The following TRPC5OS variants were observed in gnomAD, a reference collection of about 807,000 sequenced individuals.
TRPC5OS encodes the protein putative uncharacterized protein TRPC5OS.
For missense variants in TRPC5OS, 64 were observed against 79.3 expected (o/e 0.81, Z 0.73); for synonymous variants, 30 against 29.3 (o/e 1.02, Z -0.08).
intron 1 of TRPC5OS, among the ~76,000 whole-genome samples, chrX:111,883,597 A>C (rs1924333800): frequency 8.9e-6 from 1 of 112,651 alleles, no homozygotes; most frequent in African/African-American, 3.2e-5. Flanking sequence ...AGCCTGTCCG[A>C]ATTTTGATAA....
intron 3 of TRPC5OS, among the ~76,000 whole-genome samples, chrX:111,897,034 T>C (rs1447569207): frequency 8.9e-6 from 1 of 112,289 alleles, no homozygotes; most frequent in African/African-American, 3.2e-5. Flanking sequence ...ACAAACTTTG[T>C]TTAGTGCACA....
At chrX:111,883,598 A>G (rs191735484) in intron 1 of TRPC5OS, among the ~76,000 whole-genome samples, 8 of 112,001 alleles carry the variant, frequency 7.1e-5, no homozygotes, top group South Asian at 3.7e-4. Flanking sequence ...GCCTGTCCGA[A>G]TTTTGATAAA....
chrX:111,889,036 A>G (rs1267492150), intron 1 of TRPC5OS, among the ~76,000 whole-genome samples: 1 of 112,280 alleles, frequency 8.9e-6, no homozygotes, highest in Non-Finnish European at 1.9e-5. Flanking sequence ...ACAGGAATCA[A>G]TGTAATGAAA....
intron 1 of TRPC5OS, among the ~76,000 whole-genome samples, chrX:111,888,708 A>AG (rs1484430371): frequency 2.9e-5 from 3 of 104,184 alleles, no homozygotes; most frequent in African/African-American, 7.1e-5. Flanking sequence ...AAAAAAAAAA[A>AG]AAAAAAAAAA....
At chrX:111,886,134 G>T (rs535002869) in intron 1 of TRPC5OS, among the ~76,000 whole-genome samples, 1 of 111,496 alleles carries the variant, frequency 9.0e-6, no homozygotes, top group Non-Finnish European at 1.9e-5. Flanking sequence ...ATAAAAAATA[G>T]TTGGGCATGG....
rs1488378469 is a variant in TRPC5OS at position 111,876,286 on chromosome X, A to G, written c.-546+13A>G. The G allele has an allele frequency of 1.8e-5, 2 of 111,318 alleles. No homozygotes were observed. 9.2% of individuals were successfully genotyped at this position (111,318 alleles called of 1,213,427 possible). ...CCTGACTCCTAAGGTGAGTTGCTTC[A>G]TAAACAATTTACCACTTGCAAGTCT... is the stretch of plus-strand genomic sequence containing the variant. On this transcript the variant is annotated intron_variant, in intron 1 of 3. Coordinates refer to ENST00000635763, the MANE Select transcript of TRPC5OS (RefSeq NM_001195578.2).
At chrX:111,898,725 C>G (rs181792731) in intron 3 of TRPC5OS, among the ~76,000 whole-genome samples, 161 of 110,046 alleles carry the variant, frequency 1.5e-3, no homozygotes, top group South Asian at 3.1e-3. Context: ...AAAATGTGAG[C>G]TAGTTATAGA....
At position 111,903,345 on chromosome X, in the gene TRPC5OS, GGA is replaced by G. The variant is rs1203440034; in HGVS notation, c.*1167_*1168del. The G allele has an allele frequency of 2.7e-5, 3 of 112,255 alleles. No individual in the cohort carries two copies. The highest frequency in any genetic ancestry group is 5.6e-5 in the Non-Finnish European group (3 of 53,208). The allele number at this position is 112,255 out of a possible 1,213,427, so 9.3% of individuals were successfully genotyped here. On this transcript the variant is annotated 3_prime_UTR_variant, in exon 4 of 4. Coordinates refer to ENST00000635763, the MANE Select transcript of TRPC5OS (RefSeq NM_001195578.2). ...AGAACTAGTGGGGACGGTGTTTTCA[GGA>G]GAGAGAAGCAAATTAATAAATTGTC...
rs749361813 is a variant in TRPC5OS, at chrX:111,901,954, A to G, written c.105A>G (p.Gln35=). Residue 35 remains glutamine (Q), a synonymous_variant, in exon 4 of 4, where the codon CAA becomes CAG. Transcript: ENST00000635763. Reference sequence around the variant, plus strand: ...TTTTACAATTCATTCTACAAGTACAAGAAGTTCCTTATGTAGAAGAAAATG... The same window carrying G: ...TTTTACAATTCATTCTACAAGTACAGGAAGTTCCTTATGTAGAAGAAAATG... ...DELLQFILQV[Q]EVPYVEENGR... The G allele has an allele frequency of 5.2e-6, 6 of 1,155,414 alleles. No individual in the cohort carries two copies. Among genetic ancestry groups the G allele is most frequent in the Non-Finnish European group, 5.7e-6 (5 of 872,368 alleles).
At chrX:111,882,928 A>C (rs1376261376) in intron 1 of TRPC5OS, among the ~76,000 whole-genome samples, 3 of 111,219 alleles carry the variant, frequency 2.7e-5, no homozygotes, top group Non-Finnish European at 5.7e-5. Context: ...TCTACCAAAA[A>C]TAAAAAAATT....
chrX:111,894,899 G>A (rs1311666575), intron 1 of TRPC5OS, among the ~76,000 whole-genome samples: 1 of 110,675 alleles, frequency 9.0e-6, no homozygotes, highest in Non-Finnish European at 1.9e-5. Flanking sequence ...CCTACCCAGA[G>A]GTAACCACTT....
intron 1 of TRPC5OS, among the ~76,000 whole-genome samples, chrX:111,886,152 C>T (rs775131008): frequency 3.3e-4 from 37 of 111,456 alleles, no homozygotes; most frequent in East Asian, 3.1e-3. Context: ...TGGTGGTGGG[C>T]GCCTGTAATC....
At chrX:111,885,883 A>C (rs748269595) in intron 1 of TRPC5OS, among the ~76,000 whole-genome samples, 1 of 112,084 alleles carries the variant, frequency 8.9e-6, no homozygotes, top group Non-Finnish European at 1.9e-5. Context: ...ATTTCTGATC[A>C]GGAAAGTGAG....
At chrX:111,887,153 C>G (rs1467352790) in intron 1 of TRPC5OS, among the ~76,000 whole-genome samples, 3 of 112,508 alleles carry the variant, frequency 2.7e-5, no homozygotes, top group Non-Finnish European at 5.6e-5. Flanking sequence ...CCTTTTTGGA[C>G]TCTCACATCT....
At chrX:111,891,836 C>T (rs749279316) in intron 1 of TRPC5OS, among the ~76,000 whole-genome samples, 23 of 111,767 alleles carry the variant, frequency 2.1e-4, no homozygotes, top group Middle Eastern at 4.6e-3. Context: ...AGTGAGCCAC[C>T]GCGCTTGGCC....
chrX:111,881,302 G>A (rs892860298), intron 1 of TRPC5OS, among the ~76,000 whole-genome samples: 15 of 109,989 alleles, frequency 1.4e-4, no homozygotes, highest in African/African-American at 3.0e-4. Context: ...TCAGCTTCCC[G>A]AGTAGCTGGG....
In TRPC5OS at chrX:111,901,894, T is replaced by C; in HGVS notation, c.45T>C (p.Ala15=). Residue 15 remains alanine (A), a synonymous_variant, in exon 4 of 4, where the codon GCT becomes GCC. Coordinates refer to ENST00000635763, the MANE Select transcript of TRPC5OS (RefSeq NM_001195578.2). ...ATGTACTCATTGATGGACTTGTTGCTTGTGTAGCCCAGTTAATAAGAATAG... is the reference window on the plus strand; with the variant it reads ...ATGTACTCATTGATGGACTTGTTGCCTGTGTAGCCCAGTTAATAAGAATAG... ...LIHVLIDGLV[A]CVAQLIRIAD... is the part of the protein sequence containing the mutation. 1 of 1,152,831 alleles carries C rather than the reference T, an allele frequency of 8.7e-7. No individual in the cohort carries two copies. The highest frequency in any genetic ancestry group is 1.1e-6 in the Non-Finnish European group (1 of 871,427).
intron 1 of TRPC5OS, among the ~76,000 whole-genome samples, chrX:111,892,584 A>T (rs1362263415): frequency 9.0e-6 from 1 of 111,692 alleles, no homozygotes; most frequent in African/African-American, 3.3e-5. Flanking sequence ...AGTGCTTCAG[A>T]GGAAGTTAGA....
chrX:111,895,383 T>G (rs1925016401), intron 1 of TRPC5OS, among the ~76,000 whole-genome samples: 1 of 112,189 alleles, frequency 8.9e-6, no homozygotes, highest in Non-Finnish European at 1.9e-5. Context: ...AGATTGATTA[T>G]GTTTTTCGTA....
Sources: gnomAD v4.1 joint callset for allele counts (sites outside exome capture counted in the v4.1 genomes callset) on GRCh38, gnomAD v4.1.1 for gene constraint, MANE v1.5 for transcripts, NCBI Gene and HGNC (gene_info 2026-07-23, HGNC 2026-07-21) for gene names.